The following BBS9 variants were observed in gnomAD, a reference collection of about 807,000 sequenced individuals.
BBS9 encodes the protein Bardet-Biedl syndrome 9, also known as protein PTHB1.
In BBS9, 89 loss-of-function variants were observed where a neutral mutation model predicts 117.7. That is an observed-to-expected ratio of 0.76 (90% CI 0.64 to 0.90). The LOEUF is 0.90. Ranked by LOEUF, BBS9 falls within the 40% of genes least tolerant of loss-of-function variation. The probability of loss-of-function intolerance (pLI) is 0.00; values close to 1 mark genes in which losing one functional copy is unlikely to be tolerated. For synonymous variants in BBS9, 379 were observed against 370.9 expected (o/e 1.02, Z -0.25); for missense variants, 982 against 1,042.2 (o/e 0.94, Z 0.80).
At chr7:33,359,551 A>G (rs1181591708) in intron 16 of BBS9, among the ~76,000 whole-genome samples, 2 of 152,070 alleles carry the variant, frequency 1.3e-5, no homozygotes, top group Admixed American at 6.6e-5. Context: ...CTGGGATCCA[A>G]TATATATGAT....
intron 15 of BBS9, among the ~76,000 whole-genome samples, chr7:33,354,992 TTTC>T (rs1819369622): frequency 6.6e-6 from 1 of 152,006 alleles, no homozygotes; most frequent in Non-Finnish European, 1.5e-5. Flanking sequence ...ATGACAAAAG[TTTC>T]TTTTCTCTCA....
Position 33,151,381 on chromosome 7 carries a change from G to T in BBS9, c.113-1320G>T, listed in dbSNP as rs374284254. ...GGCCACAAGTGACAGGAAACTGATAGATTTAAGTACAGAAGGTGCTGGAAT... is the reference window on the plus strand; with the variant it reads ...GGCCACAAGTGACAGGAAACTGATATATTTAAGTACAGAAGGTGCTGGAAT... On this transcript the variant is annotated intron_variant, in intron 2 of 22. Coordinates refer to ENST00000242067, the MANE Select transcript of BBS9 (RefSeq NM_198428.3). 2.6e-5 allele frequency among the ~76,000 whole-genome samples: 4 copies of T among 152,162 alleles called. No individual in the cohort carries two copies. The East Asian group carries it at 7.7e-4, about 29-fold the overall frequency.
At chr7:33,422,729 A>C (rs1323359398) in intron 19 of BBS9, among the ~76,000 whole-genome samples, 2 of 152,180 alleles carry the variant, frequency 1.3e-5, no homozygotes, top group African/African-American at 4.8e-5. Context: ...TCAGATTTTT[A>C]AAGAAAAGTA....
chr7:33,151,619 G>A (rs974860158), intron 2 of BBS9, among the ~76,000 whole-genome samples: 2 of 151,364 alleles, frequency 1.3e-5, no homozygotes, highest in African/African-American at 2.4e-5. Flanking sequence ...GCACTGTCTC[G>A]GCTCAATGCA....
At chr7:33,177,715 C>T (rs974374718) in intron 5 of BBS9, 124 bp downstream of exon 5, 1 of 745,162 alleles carries the variant, frequency 1.3e-6, no homozygotes, top group African/African-American at 1.7e-5. Flanking sequence ...TTTATTGAAA[C>T]CTTTGTATCC....
chr7:33,536,852 CATG>C lies in BBS9; in HGVS notation c.2521+2679_2521+2681del, dbSNP rs150434423. On this transcript the variant is annotated intron_variant, in intron 21 of 22. Coordinates refer to ENST00000242067, the MANE Select transcript of BBS9 (RefSeq NM_198428.3). ...TAATTTTTATTATGTCCAAAGGTGA[CATG>C]ATAACATTATCATGAGTATTTCTTA... Among the ~76,000 whole-genome samples, 938 of 151,606 alleles carry C rather than the reference CATG, an allele frequency of 6.2e-3. 6 individuals are homozygous for C. The highest frequency in any genetic ancestry group is 0.021 in the African/African-American group (886 of 41,220).
intron 5 of BBS9, among the ~76,000 whole-genome samples, chr7:33,255,244 T>C (rs1165545365): frequency 6.6e-6 from 1 of 152,180 alleles, no homozygotes; most frequent in African/African-American, 2.4e-5. Flanking sequence ...ATGAAGCTTT[T>C]TACCATATGT....
chr7:33,345,381 G>A (rs1332923800), intron 12 of BBS9, among the ~76,000 whole-genome samples: 3 of 152,146 alleles, frequency 2.0e-5, no homozygotes, highest in Non-Finnish European at 4.4e-5. Flanking sequence ...TGTGGATTTT[G>A]GCAATTCACT....
chr7:33,306,895 A>T (rs1383688115), intron 9 of BBS9, among the ~76,000 whole-genome samples: 1 of 152,154 alleles, frequency 6.6e-6, no homozygotes, highest in African/African-American at 2.4e-5. Flanking sequence ...AGCACAGAAT[A>T]AAATATCTTG....
chr7:33,596,199 A>G (rs969941321), intron 21 of BBS9, among the ~76,000 whole-genome samples: 1 of 150,836 alleles, frequency 6.6e-6, no homozygotes, highest in Admixed American at 6.6e-5. Flanking sequence ...AAAAAAAAAA[A>G]CCCAACAATT....
chr7:33,326,835 TG>T (rs1198964740), intron 9 of BBS9, among the ~76,000 whole-genome samples: 2 of 151,844 alleles, frequency 1.3e-5, no homozygotes, highest in African/African-American at 4.8e-5. Flanking sequence ...TATTCTACTG[TG>T]GATGAGCTGG....
At chr7:33,501,735 C>A (rs537685297) in intron 19 of BBS9, among the ~76,000 whole-genome samples, 6 of 152,166 alleles carry the variant, frequency 3.9e-5, no homozygotes, top group Non-Finnish European at 8.8e-5. Context: ...GATCTGATAG[C>A]TGCTTAGAGT....
intron 21 of BBS9, among the ~76,000 whole-genome samples, chr7:33,628,597 C>T (rs1286891196): frequency 6.6e-6 from 1 of 152,154 alleles, no homozygotes; most frequent in Non-Finnish European, 1.5e-5. Context: ...TGGTAAAAGA[C>T]TGAGCTCTTT....
chr7:33,154,666 A>T (rs1584191794), intron 3 of BBS9, among the ~76,000 whole-genome samples: 1 of 152,092 alleles, frequency 6.6e-6, no homozygotes, highest in South Asian at 2.1e-4. Flanking sequence ...GGGTTTCACC[A>T]TGTTGGCCAG....
chr7:33,431,005 A>G (rs1367178870), intron 19 of BBS9, among the ~76,000 whole-genome samples: 1 of 150,968 alleles, frequency 6.6e-6, no homozygotes, highest in Non-Finnish European at 1.5e-5. Flanking sequence ...CCTGGGCAGC[A>G]TGGTGAAACC....
chr7:33,493,617 G>A (rs1480043812), intron 19 of BBS9, among the ~76,000 whole-genome samples: 1 of 152,340 alleles, frequency 6.6e-6, no homozygotes, highest in South Asian at 2.1e-4. Context: ...TGAAGGCCCA[G>A]CTGTCCTTTA....
chr7:33,347,540 G>C (rs1584434794), intron 12 of BBS9, among the ~76,000 whole-genome samples: 1 of 151,908 alleles, frequency 6.6e-6, no homozygotes, highest in South Asian at 2.1e-4. Flanking sequence ...AGGATTCATT[G>C]TTCATGGTGT....
chr7:33,446,577 T>C (rs1837028985), intron 19 of BBS9, among the ~76,000 whole-genome samples: 1 of 152,184 alleles, frequency 6.6e-6, no homozygotes, highest in South Asian at 2.1e-4. Context: ...ATTTAAGGTT[T>C]ATTTAAAGTT....
chr7:33,253,566 C>A (rs374641834), intron 5 of BBS9, among the ~76,000 whole-genome samples: 1 of 152,166 alleles, frequency 6.6e-6, no homozygotes, highest in African/African-American at 2.4e-5. Flanking sequence ...GAGCCAAGAT[C>A]GTGCCACTGC....
Sources: gnomAD v4.1 joint callset for allele counts (sites outside exome capture counted in the v4.1 genomes callset) on GRCh38, gnomAD v4.1.1 for gene constraint, MANE v1.5 for transcripts, NCBI Gene and HGNC (gene_info 2026-07-23, HGNC 2026-07-21) for gene names.